The following SIRT5 variants were observed in gnomAD, a reference collection of about 807,000 sequenced individuals.
SIRT5 encodes the protein sirtuin 5, also known as NAD-dependent protein deacylase sirtuin-5, mitochondrial.
A neutral mutation model predicts 40.0 loss-of-function variants in SIRT5; 26 were observed. The observed-to-expected ratio is 0.65, with a 90% CI of 0.48 to 0.90. The LOEUF (loss-of-function observed/expected upper bound fraction) is 0.90. Among genes scored for constraint, SIRT5 ranks in the 40% least tolerant of loss-of-function variants. The pLI is 0.00. For synonymous variants in SIRT5, 146 were observed against 149.1 expected (o/e 0.98, Z 0.15); for missense variants, 401 against 402.4 (o/e 1.00, Z 0.03).
chr6:13,588,811 A>C (rs927262838), intron 4 of SIRT5, among the ~76,000 whole-genome samples: 1 of 152,214 alleles, frequency 6.6e-6, no homozygotes, highest in African/African-American at 2.4e-5. Flanking sequence ...GTTTCTGTGA[A>C]CTTTTCATGT....
Position 13,591,629 on chromosome 6 carries a change from T to C in SIRT5, c.250-40T>C, listed in dbSNP as rs749818558. ...GCCCCAGGGTTCAGCATCCTGGCTG[T>C]CTCTGCCTCCCTCACTCCTGCCTCC... On this transcript the variant is annotated intron_variant, in intron 4 of 9. Transcript: ENST00000606117. The C allele has an allele frequency of 2.0e-6, 3 of 1,464,236 alleles. No homozygotes were observed. The Admixed American group carries it at 6.9e-5, about 34-fold the overall frequency. 90.7% of individuals were successfully genotyped at this position (1,464,236 alleles called of 1,614,324 possible).
At chr6:13,611,209 A>G (rs111922070) in intron 9 of SIRT5, among the ~76,000 whole-genome samples, 1,125 of 110,742 alleles carry the variant, frequency 0.01, 9 homozygotes, top group East Asian at 0.027. Flanking sequence ...GTGTGTGTGT[A>G]TATATATATA....
chr6:13,578,811 G>C (rs142452420), intron 1 of SIRT5, among the ~76,000 whole-genome samples: 1 of 151,660 alleles, frequency 6.6e-6, no homozygotes, highest in Non-Finnish European at 1.5e-5. Flanking sequence ...AGAACATACA[G>C]GCTTTTAAAA....
intron 9 of SIRT5, 126 bp downstream of exon 9, chr6:13,601,075 C>T (rs1762319577): frequency 3.0e-6 from 2 of 658,360 alleles, no homozygotes; most frequent in African/African-American, 3.7e-5. Context: ...TTTGTTTGAT[C>T]TGCAGTTGCT....
chr6:13,595,288 C>T (rs1195423451), intron 5 of SIRT5, among the ~76,000 whole-genome samples, 189 bp from the exon 6 acceptor site: 6 of 152,088 alleles, frequency 3.9e-5, no homozygotes, highest in Non-Finnish European at 7.4e-5. Context: ...GTGGGAGGAT[C>T]GCTTGAGCCC....
chr6:13,596,342 G>A lies in SIRT5; in HGVS notation c.564-621G>A, dbSNP rs189220382. Among the ~76,000 whole-genome samples the A allele has an allele frequency of 2.6e-3, 401 of 152,230 alleles. 2 individuals are homozygous for A. The highest frequency in any genetic ancestry group is 3.4e-3 in the Non-Finnish European group (234 of 68,018). On this transcript the variant is annotated intron_variant, in intron 6 of 9. Transcript: ENST00000606117. Reference sequence around the variant, plus strand: ...CAGCCTTTTAAAAACAGTATAAATTGTATAAGGACTATATAATGTCATTGC... The same window carrying A: ...CAGCCTTTTAAAAACAGTATAAATTATATAAGGACTATATAATGTCATTGC...
At chr6:13,599,590 T>C (rs537720671) in intron 8 of SIRT5, among the ~76,000 whole-genome samples, 14 of 152,360 alleles carry the variant, frequency 9.2e-5, no homozygotes, top group African/African-American at 3.4e-4. Context: ...TGTTTTCTTC[T>C]AGACCCAGGA....
chr6:13,589,988 C>T (rs1036087191), intron 4 of SIRT5, among the ~76,000 whole-genome samples: 5 of 152,156 alleles, frequency 3.3e-5, no homozygotes, highest in African/African-American at 1.2e-4. Context: ...AGAGCAGGGT[C>T]GGTGTGGGTC....
chr6:13,580,615 C>CT (rs1213040802), intron 2 of SIRT5, among the ~76,000 whole-genome samples: 1 of 152,118 alleles, frequency 6.6e-6, no homozygotes, highest in African/African-American at 2.4e-5. Context: ...CTCCCTCCCT[C>CT]TGTTTCTTCC....
rs375143623 is a variant in SIRT5 at position 13,597,036 on chromosome 6, T to G, written c.617+20T>G. On this transcript the variant is annotated intron_variant, in intron 7 of 9. Coordinates refer to ENST00000606117, the MANE Select transcript of SIRT5 (RefSeq NM_012241.5). ...TCCCCGGTAGGTAGAAAACTCTGAT[T>G]TGTACTGGTGTTCCAGGTTACCAAA... is the stretch of plus-strand genomic sequence containing the variant. The G allele has an allele frequency of 6.3e-7, 1 of 1,598,840 alleles. No homozygotes were observed. Among genetic ancestry groups the G allele is most frequent in the Non-Finnish European group, 8.5e-7 (1 of 1,171,654 alleles).
intron 7 of SIRT5, 45 bp from the exon 8 acceptor site, chr6:13,598,987 G>T: frequency 3.1e-6 from 5 of 1,607,342 alleles, no homozygotes; most frequent in Non-Finnish European, 4.3e-6. Context: ...CGATCCAGCT[G>T]GGCAGACTTG....
In SIRT5 at chr6:13,601,057, T is replaced by G. The variant is rs1178972652; in HGVS notation, c.857+108T>G. On this transcript the variant is annotated intron_variant, in intron 9 of 9. Coordinates refer to ENST00000606117, the MANE Select transcript of SIRT5 (RefSeq NM_012241.5). ...TAATTTTTAAAAAAGACATAGGGTT[T>G]GTGTTTTTTTGTTTGATCTGCAGTT... The G allele has an allele frequency of 3.8e-6, 3 of 786,018 alleles. No homozygotes were observed. In the African/African-American group the frequency reaches 5.3e-5, roughly 14 times the overall value. The allele number at this position is 786,018 out of a possible 1,614,324, so 48.7% of individuals were successfully genotyped here.
At chr6:13,597,260 G>A (rs991989528) in intron 7 of SIRT5, among the ~76,000 whole-genome samples, 22 of 151,752 alleles carry the variant, frequency 1.4e-4, no homozygotes, top group Non-Finnish European at 2.2e-4. Context: ...ATTTGAGGTC[G>A]GGAAAGTTTC....
Position 13,611,948 on chromosome 6 carries a change from T to G in SIRT5, c.*83T>G, listed in dbSNP as rs201977195. 4 of 1,324,540 alleles carry G rather than the reference T, an allele frequency of 3.0e-6. No homozygotes were observed. Among genetic ancestry groups the G allele is most frequent in the Non-Finnish European group, 4.3e-6 (4 of 925,294 alleles). The allele number at this position is 1,324,540 out of a possible 1,614,324, so 82.0% of individuals were successfully genotyped here. A position where few individuals can be genotyped will look rare whatever the true frequency, so the allele number is the denominator to read the frequency against. On this transcript the variant is annotated 3_prime_UTR_variant, in exon 10 of 10. Coordinates refer to ENST00000606117, the MANE Select transcript of SIRT5 (RefSeq NM_012241.5). ...AGAAATGGTCTTATGGGTGGTGAGCTGAGTACTGAACAATCTAAAAATAGC... is the reference window on the plus strand; with the variant it reads ...AGAAATGGTCTTATGGGTGGTGAGCGGAGTACTGAACAATCTAAAAATAGC...
chr6:13,584,638 C>T (rs1026931953), intron 3 of SIRT5, among the ~76,000 whole-genome samples: 2 of 152,172 alleles, frequency 1.3e-5, no homozygotes, highest in African/African-American at 4.8e-5. Flanking sequence ...CATGAGCCAC[C>T]GCGCCCACCT....
chr6:13,591,997 C>T, intron 5 of SIRT5, 103 bp downstream of exon 5: 1 of 1,068,302 alleles, frequency 9.4e-7, no homozygotes, highest in East Asian at 2.6e-5. Context: ...TGCTGGACAT[C>T]CGTCCTGTCC....
At chr6:13,592,915 A>AT (rs70989874) in intron 5 of SIRT5, among the ~76,000 whole-genome samples, 43,389 of 138,806 alleles carry the variant, frequency 0.31, 7,465 homozygotes, top group African/African-American at 0.43. Flanking sequence ...ATTTAATTTA[A>AT]TTTTTTTTTT....
chr6:13,614,678 A>T lies in SIRT5; in HGVS notation c.*2813A>T, dbSNP rs1764200572. 1 of 152,274 alleles carries T rather than the reference A, an allele frequency of 6.6e-6. No homozygotes were observed. The highest frequency in any genetic ancestry group is 2.4e-5 in the African/African-American group (1 of 41,456). 9.4% of individuals were successfully genotyped at this position (152,274 alleles called of 1,614,324 possible). ...CAGCTGCTGTTCCAGGTCGTGGGTTAGGGCCCGGCACCAGGAAGGGCGCCC... is the reference window on the plus strand; with the variant it reads ...CAGCTGCTGTTCCAGGTCGTGGGTTTGGGCCCGGCACCAGGAAGGGCGCCC... On this transcript the variant is annotated 3_prime_UTR_variant, in exon 10 of 10. Transcript: ENST00000606117.
At chr6:13,586,475 T>C (rs531989250) in intron 3 of SIRT5, among the ~76,000 whole-genome samples, 41 of 152,324 alleles carry the variant, frequency 2.7e-4, no homozygotes, top group African/African-American at 9.6e-4. Context: ...TAGGCAGTTT[T>C]CCCAGCCCCA....
Sources: allele counts gnomAD v4.1 joint callset (sites outside exome capture counted in the v4.1 genomes callset), GRCh38; gene constraint gnomAD v4.1.1; transcripts MANE v1.5; gene names NCBI Gene and HGNC (gene_info 2026-07-23, HGNC 2026-07-21).